TAFA2: variants seen among roughly 807,000 people sequenced by gnomAD.
TAFA2 encodes the protein chemokine-like protein TAFA-2.
Under a neutral mutation model 18.8 loss-of-function variants are expected in TAFA2, and 7 were observed. The observed-to-expected ratio is 0.37, with a 90% confidence interval of 0.21 to 0.70. The LOEUF is 0.70. Ranked by LOEUF, TAFA2 falls within the 30% of genes least tolerant of loss-of-function variation. The probability of loss-of-function intolerance (pLI) is 0.53; values close to 1 mark genes in which losing one functional copy is unlikely to be tolerated. For synonymous variants in TAFA2, 60 were observed against 54.2 expected, an observed-to-expected ratio of 1.11 and a Z score of -0.47; for missense variants, 122 against 158.1, an observed-to-expected ratio of 0.77 and a Z score of 1.23.
chr12:62,006,005 A>G (rs1592543817), intron 1 of TAFA2, among the ~76,000 whole-genome samples: 1 of 152,056 alleles, frequency 6.6e-6, no homozygotes, highest in South Asian at 2.1e-4. Context: ...AAACTTCAAC[A>G]TTTTCATTTT....
chr12:61,955,613 AAAAAAAAAAAAAAAAAAAAATATAT>A (rs1481432406), intron 1 of TAFA2, among the ~76,000 whole-genome samples: 3 of 25,724 alleles, frequency 1.2e-4, no homozygotes, highest in African/African-American at 3.3e-4. Context: ...AAAAAAAAAA[AAAAAAAAAAAAAAAAAAAAATATAT>A]ATATATATAT....
intron 1 of TAFA2, among the ~76,000 whole-genome samples, chr12:61,900,883 T>C (rs185292485): frequency 1.1e-4 from 17 of 152,332 alleles, no homozygotes; most frequent in Admixed American, 1.0e-3. Context: ...CTTTCATTGG[T>C]ATCTATTAAT....
chr12:61,808,945 T>G (rs1445085423), intron 2 of TAFA2, among the ~76,000 whole-genome samples: 1 of 151,680 alleles, frequency 6.6e-6, no homozygotes, highest in Non-Finnish European at 1.5e-5. Flanking sequence ...TAAAGGTGAC[T>G]GCTGTAATAA....
chr12:61,933,581 G>C (rs984592890), intron 1 of TAFA2, among the ~76,000 whole-genome samples: 5 of 152,078 alleles, frequency 3.3e-5, no homozygotes, highest in Non-Finnish European at 5.9e-5. Context: ...AGGAGTGGTG[G>C]TGCACACCTG....
intron 2 of TAFA2, among the ~76,000 whole-genome samples, chr12:61,813,280 A>G (rs1422120476): frequency 6.6e-6 from 1 of 151,396 alleles, no homozygotes; most frequent in African/African-American, 2.5e-5. Context: ...CATACTTTTC[A>G]TAGTATGTCT....
intron 1 of TAFA2, among the ~76,000 whole-genome samples, chr12:62,113,369 A>G (rs1869820113): frequency 6.6e-6 from 1 of 152,180 alleles, no homozygotes; most frequent in South Asian, 2.1e-4. Flanking sequence ...TTCATCCCAG[A>G]GAGCCACCCA....
rs191839440 is a variant in TAFA2, at chr12:61,935,029, T to G, written c.-1-67603A>C. Among the ~76,000 whole-genome samples, 6 of 152,204 alleles carry G rather than the reference T, an allele frequency of 3.9e-5. 1 individual carries two copies. The highest frequency in any genetic ancestry group is 1.4e-4 in the African/African-American group (6 of 41,520). ...AAGCATTGACCAAGCCTGGCACGAG[T>G]ACATGAAATTACTAATTATTGACTG... is the stretch of plus-strand genomic sequence containing the variant. On this transcript the variant is annotated intron_variant, in intron 1 of 4. Coordinates refer to ENST00000416284, the MANE Select transcript of TAFA2 (RefSeq NM_178539.5).
At chr12:62,083,532 C>A (rs1471815656) in intron 1 of TAFA2, among the ~76,000 whole-genome samples, 1 of 152,072 alleles carries the variant, frequency 6.6e-6, no homozygotes, top group Admixed American at 6.5e-5. Context: ...GAAAGTAAAA[C>A]AAAATAAGGG....
intron 1 of TAFA2, among the ~76,000 whole-genome samples, chr12:62,065,338 G>A (rs1882456537): frequency 6.6e-6 from 1 of 152,014 alleles, no homozygotes; most frequent in East Asian, 1.9e-4. Context: ...AACAGGAAAA[G>A]GAATTTCCAA....
intron 2 of TAFA2, among the ~76,000 whole-genome samples, chr12:61,845,545 A>C (rs1873368810): frequency 6.6e-6 from 1 of 152,170 alleles, no homozygotes; most frequent in Non-Finnish European, 1.5e-5. Flanking sequence ...TTTCTTAACA[A>C]GATCTTTAAC....
At chr12:62,247,026 T>TCA (rs1451946726) in intron 1 of TAFA2, among the ~76,000 whole-genome samples, 5 of 152,192 alleles carry the variant, frequency 3.3e-5, no homozygotes, top group African/African-American at 4.8e-5. Flanking sequence ...TTCTACAATC[T>TCA]TATATATATG....
At chr12:62,069,192 T>C (rs1002845284) in intron 1 of TAFA2, among the ~76,000 whole-genome samples, 22 of 152,130 alleles carry the variant, frequency 1.4e-4, no homozygotes, top group Non-Finnish European at 2.9e-4. Flanking sequence ...TTCTCACTGC[T>C]CCATGGCAGC....
At position 62,067,092 on chromosome 12, in the gene TAFA2, G is replaced by A. The variant is rs1882509302; in HGVS notation, c.-2+124167C>T. ...ATGTTGAGCACCTTTTCATATGCCT[G>A]TTTGCCATTTGTATGTCTTCCTTTG... On this transcript the variant is annotated intron_variant, in intron 1 of 4. Coordinates refer to ENST00000416284, the MANE Select transcript of TAFA2 (RefSeq NM_178539.5). 2.0e-5 allele frequency among the ~76,000 whole-genome samples: 3 copies of A among 151,964 alleles called. No homozygotes were observed. The South Asian group carries it at 6.2e-4, about 32-fold the overall frequency.
intron 1 of TAFA2, among the ~76,000 whole-genome samples, chr12:62,164,160 T>C (rs974598485): frequency 2.0e-5 from 3 of 152,106 alleles, no homozygotes; most frequent in Non-Finnish European, 4.4e-5. Context: ...TCCTTCTGCA[T>C]AGCGCTCTTC....
chr12:61,748,643 A>G (rs1376026839), intron 4 of TAFA2, among the ~76,000 whole-genome samples: 1 of 152,094 alleles, frequency 6.6e-6, no homozygotes, highest in Non-Finnish European at 1.5e-5. Flanking sequence ...ATGAAATCCA[A>G]ATGGAAGAGT....
intron 2 of TAFA2, among the ~76,000 whole-genome samples, chr12:61,780,974 A>G (rs1235542670): frequency 6.6e-6 from 1 of 151,758 alleles, no homozygotes; most frequent in African/African-American, 2.4e-5. Context: ...GAGTCAGACA[A>G]CTGTAATTTC....
At chr12:61,740,096 T>A (rs942061112) in intron 4 of TAFA2, among the ~76,000 whole-genome samples, 2 of 152,122 alleles carry the variant, frequency 1.3e-5, no homozygotes, top group Non-Finnish European at 2.9e-5. Context: ...CAGTTTCTCT[T>A]TCTCTTTCTC....
chr12:61,799,418 A>G (rs1292795704), intron 2 of TAFA2, among the ~76,000 whole-genome samples: 1 of 152,220 alleles, frequency 6.6e-6, no homozygotes, highest in Non-Finnish European at 1.5e-5. Context: ...GACGAAAGTT[A>G]GAGCCCTTCC....
chr12:62,136,237 A>C (rs568908223), intron 1 of TAFA2, among the ~76,000 whole-genome samples: 32 of 152,270 alleles, frequency 2.1e-4, no homozygotes, highest in African/African-American at 7.5e-4. Flanking sequence ...AAAAGATGCA[A>C]TAATCTTCAA....
Sources: allele counts gnomAD v4.1 joint callset (sites outside exome capture counted in the v4.1 genomes callset), GRCh38; gene constraint gnomAD v4.1.1; transcripts MANE v1.5; gene names NCBI Gene and HGNC (gene_info 2026-07-23, HGNC 2026-07-21).